Variants in GATAD2B observed in about 807,000 individuals in gnomAD.
GATAD2B encodes transcriptional repressor p66-beta.
In GATAD2B, 8 loss-of-function variants were observed where a neutral mutation model predicts 64.3. The ratio of observed to expected loss-of-function variants is 0.12; its 90% CI spans 0.07 to 0.22. The LOEUF is 0.22. Among genes scored for constraint, GATAD2B ranks in the 10% least tolerant of loss-of-function variants. The pLI is 1.00. For synonymous variants in GATAD2B, 281 were observed against 271.3 expected (o/e 1.04, Z -0.35); for missense variants, 453 against 752.0 (o/e 0.60, Z 4.65).
At chr1:153,898,319 A>G (rs1186874735) in intron 1 of GATAD2B, among the ~76,000 whole-genome samples, 4 of 150,174 alleles carry the variant, frequency 2.7e-5, no homozygotes, top group Non-Finnish European at 4.4e-5. Context: ...AAAAAAAAAA[A>G]AAAAGAAAAA....
intron 7 of GATAD2B, among the ~76,000 whole-genome samples, chr1:153,815,280 C>CAAAAAAAAAAAAAAA (rs1159204191): frequency 2.0e-4 from 13 of 66,588 alleles, no homozygotes; most frequent in Non-Finnish European, 2.7e-4. Context: ...CTCAAAAAAA[C>CAAAAAAAAAAAAAAA]AAAAAAAAAA....
At chr1:153,891,825 G>C (rs762570506) in intron 1 of GATAD2B, among the ~76,000 whole-genome samples, 7 of 151,900 alleles carry the variant, frequency 4.6e-5, no homozygotes, top group Non-Finnish European at 7.4e-5. Flanking sequence ...GGAATGGCTA[G>C]ATTTAACATA....
Position 153,863,869 on chromosome 1 carries a change from C to T in GATAD2B, c.-1-35521G>A, listed in dbSNP as rs111227876. The stretch of plus-strand genomic sequence containing the variant: ...TTGATCTCTTGACCTTGTGATCCAC[C>T]TGCCTCGATCTCACAAAGTGCTGGG... On this transcript the variant is annotated intron_variant, in intron 1 of 10. Transcript: ENST00000368655. Among the ~76,000 whole-genome samples the T allele has an allele frequency of 1.9e-3, 290 of 152,254 alleles. 1 individual carries two copies. Among genetic ancestry groups the T allele is most frequent in the African/African-American group, 6.7e-3 (280 of 41,546 alleles).
At chr1:153,826,184 T>C (rs1445592121) in intron 2 of GATAD2B, among the ~76,000 whole-genome samples, 1 of 152,042 alleles carries the variant, frequency 6.6e-6, no homozygotes, top group East Asian at 2.0e-4. Context: ...TTTGTATTTT[T>C]AGTAGAGACG....
In GATAD2B at chr1:153,889,242, A is replaced by C. The variant is rs537681002; in HGVS notation, c.-2+33491T>G. 2.0e-5 allele frequency among the ~76,000 whole-genome samples: 3 copies of C among 151,650 alleles called. No individual in the cohort carries two copies. The South Asian group carries it at 6.3e-4, about 32-fold the overall frequency. On this transcript the variant is annotated intron_variant, in intron 1 of 10. Transcript: ENST00000368655. ...AGCCTGACCAACATGGAAAAAACCT[A>C]TCTCTACTAAAAATACAAAATTAGC...
chr1:153,834,396 T>G (rs1292692140), intron 1 of GATAD2B, among the ~76,000 whole-genome samples: 1 of 151,996 alleles, frequency 6.6e-6, no homozygotes, highest in Non-Finnish European at 1.5e-5. Context: ...ATTTTTCTTT[T>G]CTTTTTCTTT....
chr1:153,865,946 T>C (rs1460266640), intron 1 of GATAD2B, among the ~76,000 whole-genome samples: 1 of 152,142 alleles, frequency 6.6e-6, no homozygotes, highest in Non-Finnish European at 1.5e-5. Context: ...GGCTCATGCC[T>C]GTAATCCCAT....
At chr1:153,842,550 T>C (rs1028491133) in intron 1 of GATAD2B, among the ~76,000 whole-genome samples, 7 of 151,346 alleles carry the variant, frequency 4.6e-5, no homozygotes, top group Non-Finnish European at 8.9e-5. Context: ...ATTAATAATA[T>C]ATAGCATAGT....
At chr1:153,922,356 T>G (rs1464129522) in intron 1 of GATAD2B, among the ~76,000 whole-genome samples, 66 of 90,280 alleles carry the variant, frequency 7.3e-4, no homozygotes, top group South Asian at 2.2e-3. Flanking sequence ...AGGCAGGGAG[T>G]GAAAGCGGGG....
At chr1:153,902,360 G>C (rs1395258771) in intron 1 of GATAD2B, among the ~76,000 whole-genome samples, 1 of 152,134 alleles carries the variant, frequency 6.6e-6, no homozygotes, top group East Asian at 1.9e-4. Flanking sequence ...GGTGTAAAAA[G>C]TGCTGAATGA....
chr1:153,903,044 G>C (rs942549380), intron 1 of GATAD2B, among the ~76,000 whole-genome samples: 1 of 151,848 alleles, frequency 6.6e-6, no homozygotes, highest in Non-Finnish European at 1.5e-5. Context: ...GGTGAAACCT[G>C]ATCTCTACTA....
intron 1 of GATAD2B, among the ~76,000 whole-genome samples, chr1:153,860,322 G>T (rs142535499): frequency 6.4e-4 from 98 of 152,182 alleles, no homozygotes; most frequent in African/African-American, 2.3e-3. Context: ...ATGGTATGTA[G>T]TTAAACTATT....
chr1:153,913,175 G>GCC (rs1462762955), intron 1 of GATAD2B, among the ~76,000 whole-genome samples: 7 of 151,848 alleles, frequency 4.6e-5, no homozygotes, highest in African/African-American at 1.7e-4. Context: ...CGATCCACCC[G>GCC]CCTCAGCCTC....
chr1:153,825,535 C>T (rs901715575), intron 2 of GATAD2B, among the ~76,000 whole-genome samples: 26 of 151,934 alleles, frequency 1.7e-4, no homozygotes, highest in South Asian at 8.3e-4. Context: ...GCAATTCTCA[C>T]GCTTCAGCCT....
At chr1:153,826,465 C>T (rs1674882138) in intron 2 of GATAD2B, among the ~76,000 whole-genome samples, 2 of 151,920 alleles carry the variant, frequency 1.3e-5, no homozygotes, top group Non-Finnish European at 2.9e-5. Context: ...CCCATCTCTA[C>T]TAAAAATACA....
chr1:153,894,843 C>A (rs947518277), intron 1 of GATAD2B, among the ~76,000 whole-genome samples: 5 of 151,896 alleles, frequency 3.3e-5, no homozygotes, highest in African/African-American at 1.2e-4. Flanking sequence ...GCCTGGGTGA[C>A]AGGTCGAGAC....
chr1:153,907,195 A>T (rs533401616), intron 1 of GATAD2B, among the ~76,000 whole-genome samples: 1 of 152,374 alleles, frequency 6.6e-6, no homozygotes, highest in Admixed American at 6.5e-5. Flanking sequence ...TCAAGCAGAT[A>T]TCTGCCCAGT....
chr1:153,818,718 T>TA, intron 4 of GATAD2B, 73 bp downstream of exon 4: 1 of 1,414,734 alleles, frequency 7.1e-7, no homozygotes, highest in South Asian at 1.2e-5. Flanking sequence ...CAACTGAACC[T>TA]ACCTGGGGGA....
intron 7 of GATAD2B, among the ~76,000 whole-genome samples, chr1:153,813,679 G>A (rs911043761): frequency 3.3e-5 from 5 of 152,122 alleles, no homozygotes; most frequent in African/African-American, 7.2e-5. Context: ...GACAGAAGTC[G>A]AAGAAATGTA....
Sources: gnomAD v4.1 joint callset for allele counts (sites outside exome capture counted in the v4.1 genomes callset) on GRCh38, gnomAD v4.1.1 for gene constraint, MANE v1.5 for transcripts, NCBI Gene and HGNC (gene_info 2026-07-23, HGNC 2026-07-21) for gene names.